The following CERS6 variants were observed in gnomAD, a reference collection of about 807,000 sequenced individuals.
CERS6 encodes LAG1 homolog, ceramide synthase 6.
CERS6 carries 26 observed loss-of-function variants against 56.8 expected under a neutral mutation model. That is an observed-to-expected ratio of 0.46 (90% CI 0.34 to 0.63). The LOEUF is 0.63. CERS6 is among the 30% of genes least tolerant of loss of function. The pLI, the probability that CERS6 is intolerant of heterozygous loss-of-function variation, is 0.01. For synonymous variants in CERS6, 164 were observed against 173.3 expected, an observed-to-expected ratio of 0.95 and a Z score of 0.42; for missense variants, 415 against 467.5, an observed-to-expected ratio of 0.89 and a Z score of 1.04.
At chr2:168,667,584 C>CT (rs202124665) in intron 4 of CERS6, among the ~76,000 whole-genome samples, 1,904 of 151,584 alleles carry the variant, frequency 0.013, 27 homozygotes, top group Middle Eastern at 0.021. Context: ...TTTTTTCTAT[C>CT]TTTTTTTTTA....
At chr2:168,734,930 A>C (rs1033608899) in intron 8 of CERS6, among the ~76,000 whole-genome samples, 1 of 152,232 alleles carries the variant, frequency 6.6e-6, no homozygotes, top group African/African-American at 2.4e-5. Flanking sequence ...ACTTGCACAT[A>C]ATCACTATCC....
At chr2:168,470,235 T>G (rs1022290294) in intron 1 of CERS6, among the ~76,000 whole-genome samples, 4 of 121,602 alleles carry the variant, frequency 3.3e-5, no homozygotes, top group Admixed American at 8.0e-5. Flanking sequence ...AAAAAAAAAT[T>G]AGCTGGGCGT....
At chr2:168,739,777 G>T (rs113243554) in intron 8 of CERS6, among the ~76,000 whole-genome samples, 5,102 of 150,704 alleles carry the variant, frequency 0.034, 275 homozygotes, top group African/African-American at 0.12. Context: ...ACAGAGTCTC[G>T]CTCTGTCACC....
intron 1 of CERS6, among the ~76,000 whole-genome samples, chr2:168,460,441 C>T (rs1693758806): frequency 6.6e-6 from 1 of 152,158 alleles, no homozygotes; most frequent in Non-Finnish European, 1.5e-5. Context: ...AAGTGACCCG[C>T]CCACCTTGGC....
intron 3 of CERS6, among the ~76,000 whole-genome samples, chr2:168,621,400 A>T (rs1684468638): frequency 1.3e-5 from 2 of 152,142 alleles, no homozygotes; most frequent in Non-Finnish European, 2.9e-5. Context: ...TCTTTTTCTG[A>T]TTCCCACAAA....
At chr2:168,729,743 TC>T (rs1325947669) in intron 8 of CERS6, among the ~76,000 whole-genome samples, 1 of 152,224 alleles carries the variant, frequency 6.6e-6, no homozygotes, top group Non-Finnish European at 1.5e-5. Context: ...ATCCTTCTGT[TC>T]CTTGTGGGGC....
chr2:168,578,308 G>A (rs1683327767), intron 3 of CERS6, among the ~76,000 whole-genome samples: 1 of 151,860 alleles, frequency 6.6e-6, no homozygotes. Flanking sequence ...CTTTGCATAT[G>A]ACCACCTTGA....
rs758153462 is a variant in CERS6 at position 168,475,954 on chromosome 2, T to A, written c.170+19336T>A. On this transcript the variant is annotated intron_variant, in intron 1 of 9. Transcript: ENST00000305747. ...GTCCGGGCTCACTGTTTTTGTTAGC[T>A]AGGTAAGCCTAAGGCACTAAGTTGG... Among the ~76,000 whole-genome samples, 156 of 152,354 alleles carry A rather than the reference T, an allele frequency of 1.0e-3. 1 individual carries two copies. Among genetic ancestry groups the A allele is most frequent in the Non-Finnish European group, 1.8e-3 (125 of 68,032 alleles).
chr2:168,456,750 G>A lies in CERS6; in HGVS notation c.170+132G>A, dbSNP rs1436127507. On this transcript the variant is annotated intron_variant, in intron 1 of 9. Coordinates refer to ENST00000305747, the MANE Select transcript of CERS6 (RefSeq NM_203463.3). This position sits in a 1 kb window ranked among gnomAD's most constrained non-coding sequence, Gnocchi z 4.1. Reference sequence around the variant, plus strand: ...ACGCCTCCCAACCTTTGTGTTCGGGGAGGGGTTGCTGACCCCCCTGCCCCG... The same window carrying A: ...ACGCCTCCCAACCTTTGTGTTCGGGAAGGGGTTGCTGACCCCCCTGCCCCG... 8 of 836,690 alleles carry A rather than the reference G, an allele frequency of 9.6e-6. No individual in the cohort carries two copies. In the African/African-American group the frequency reaches 1.0e-4, roughly 11 times the overall value. The allele number at this position is 836,690 out of a possible 1,614,324, so 51.8% of individuals were successfully genotyped here.
intron 2 of CERS6, among the ~76,000 whole-genome samples, chr2:168,552,347 T>TACAC (rs1491492317): frequency 2.1e-4 from 13 of 62,988 alleles, no homozygotes; most frequent in South Asian, 1.9e-3. Context: ...ACATACAGAG[T>TACAC]ATACACACAC....
intron 4 of CERS6, among the ~76,000 whole-genome samples, chr2:168,656,249 C>A (rs1162925261): frequency 6.6e-6 from 1 of 152,188 alleles, no homozygotes; most frequent in Non-Finnish European, 1.5e-5. Context: ...CTAAATTAAA[C>A]CTTGTCAGAA....
intron 2 of CERS6, among the ~76,000 whole-genome samples, chr2:168,552,572 G>C (rs943193006): frequency 6.6e-6 from 1 of 152,102 alleles, no homozygotes; most frequent in East Asian, 1.9e-4. Context: ...GTGGGGGTGG[G>C]TGTCAGGAAA....
chr2:168,664,909 A>G (rs1685719543), intron 4 of CERS6, among the ~76,000 whole-genome samples: 1 of 152,120 alleles, frequency 6.6e-6, no homozygotes, highest in Admixed American at 6.5e-5. Context: ...AGATGGAGTT[A>G]CTCTGGTTCA....
chr2:168,580,268 GCTTT>G (rs1430479737), intron 3 of CERS6, among the ~76,000 whole-genome samples: 16 of 151,788 alleles, frequency 1.1e-4, no homozygotes, highest in African/African-American at 2.9e-4. Context: ...CTTGTTTTGT[GCTTT>G]CTATTTTTGC....
chr2:168,763,930 T>A (rs1174117330), intron 8 of CERS6, among the ~76,000 whole-genome samples: 2 of 152,118 alleles, frequency 1.3e-5, no homozygotes, highest in East Asian at 3.9e-4. Context: ...CCAGATGACA[T>A]GAGTCAATTT....
chr2:168,572,555 A>G (rs938339944), intron 3 of CERS6, among the ~76,000 whole-genome samples: 3 of 151,368 alleles, frequency 2.0e-5, no homozygotes, highest in African/African-American at 7.3e-5. Context: ...TATGTATTAT[A>G]TAATAGAAAA....
At chr2:168,574,359 C>T in intron 3 of CERS6, among the ~76,000 whole-genome samples, 1 of 149,372 alleles carries the variant, frequency 6.7e-6, no homozygotes, top group South Asian at 2.1e-4. Flanking sequence ...ACTTACGTGG[C>T]TCAATAAGTT....
intron 2 of CERS6, among the ~76,000 whole-genome samples, chr2:168,553,957 C>T (rs1274992477): frequency 2.0e-5 from 3 of 152,056 alleles, no homozygotes; most frequent in Non-Finnish European, 2.9e-5. Context: ...CAAGTATACG[C>T]ATATTTAATA....
In CERS6 at chr2:168,630,988, G is replaced by A. The variant is rs773991279; in HGVS notation, c.411G>A (p.Trp137Ter). 1 of 1,496,966 alleles carries A rather than the reference G, an allele frequency of 6.7e-7. No individual in the cohort carries two copies. Among genetic ancestry groups the A allele is most frequent in the Non-Finnish European group, 9.1e-7 (1 of 1,093,926 alleles). 92.7% of individuals were successfully genotyped at this position (1,496,966 alleles called of 1,614,324 possible). ...STLTRFCESM[W>*]RFSFYLYVFT... ...ATTTTTTTTTAACCTTCTACAGGTG[G>A]AGATTTTCATTTTACCTTTATGTAT... is the stretch of plus-strand genomic sequence containing the variant. The change falls in exon 4 of 10, where the codon TGG becomes TGA. Residue 137 changes from tryptophan (W) to a stop codon, truncating the protein, a stop_gained. Transcript: ENST00000305747. LOFTEE classifies it high-confidence loss of function.
Sources: gnomAD v4.1 joint callset for allele counts (sites outside exome capture counted in the v4.1 genomes callset) on GRCh38, gnomAD v4.1.1 for gene constraint, Gnocchi (gnomAD v3.1) non-coding constraint, MANE v1.5 for transcripts, NCBI Gene and HGNC (gene_info 2026-07-23, HGNC 2026-07-21) for gene names.